Variants in SEC14L1 observed in about 807,000 individuals in gnomAD.
SEC14L1 encodes SEC14-like protein 1.
Under a neutral mutation model 85.3 loss-of-function variants are expected in SEC14L1, and 48 were observed. That is an observed-to-expected ratio of 0.56 (90% CI 0.45 to 0.72). The LOEUF (loss-of-function observed/expected upper bound fraction) is 0.72. Among genes scored for constraint, SEC14L1 ranks in the 30% least tolerant of loss-of-function variants. SEC14L1 has a pLI of 0.00. For missense variants in SEC14L1, 682 were observed against 921.4 expected (o/e 0.74, Z 3.36); for synonymous variants, 391 against 355.5 (o/e 1.10, Z -1.12).
At chr17:77,193,916 G>A (rs1410759815) in intron 6 of SEC14L1, among the ~76,000 whole-genome samples, 1 of 152,216 alleles carries the variant, frequency 6.6e-6, no homozygotes, top group African/African-American at 2.4e-5. Flanking sequence ...TGGATTGTCA[G>A]TTCTTCCACA....
chr17:77,173,283 G>C (rs144929051), intron 3 of SEC14L1, among the ~76,000 whole-genome samples: 31 of 151,894 alleles, frequency 2.0e-4, no homozygotes, highest in African/African-American at 6.0e-4. Flanking sequence ...GTTCTGTCTC[G>C]CACCGAAGTC....
chr17:77,203,931 G>C (rs1432172638), intron 10 of SEC14L1, among the ~76,000 whole-genome samples: 3 of 151,962 alleles, frequency 2.0e-5, no homozygotes, highest in Non-Finnish European at 4.4e-5. Context: ...CTCCCATGTG[G>C]AATTGCCCTC....
intron 3 of SEC14L1, among the ~76,000 whole-genome samples, chr17:77,171,370 C>T (rs980789924): frequency 6.6e-6 from 1 of 152,046 alleles, no homozygotes. Context: ...TGGGAAAAGA[C>T]GGGGACTGTG....
At chr17:77,130,725 G>A (rs1172280092) in intron 3 of SEC14L1, among the ~76,000 whole-genome samples, 1 of 152,120 alleles carries the variant, frequency 6.6e-6, no homozygotes, top group Non-Finnish European at 1.5e-5. Context: ...GGTCAAGTGA[G>A]CCTCCCAAGC....
At chr17:77,120,603 A>G (rs1159590527) in intron 3 of SEC14L1, among the ~76,000 whole-genome samples, 3 of 152,004 alleles carry the variant, frequency 2.0e-5, no homozygotes, top group Non-Finnish European at 2.9e-5. Context: ...CAGCCTCCCA[A>G]GTAGCTGGGA....
chr17:77,122,037 G>C (rs964065279), intron 3 of SEC14L1, among the ~76,000 whole-genome samples: 1 of 152,158 alleles, frequency 6.6e-6, no homozygotes, highest in African/African-American at 2.4e-5. Context: ...TTGATATACT[G>C]GGGCAAACAT....
intron 2 of SEC14L1, among the ~76,000 whole-genome samples, chr17:77,092,697 C>T (rs531377179): frequency 5.3e-5 from 8 of 151,818 alleles, no homozygotes; most frequent in Admixed American, 1.3e-4. Context: ...ACCTGTAATC[C>T]CAGCACTTTG....
intron 3 of SEC14L1, among the ~76,000 whole-genome samples, chr17:77,187,532 C>T (rs919680633): frequency 6.6e-6 from 1 of 152,024 alleles, no homozygotes; most frequent in Admixed American, 6.6e-5. Context: ...TGTATGCCAC[C>T]GTGCCCAGCT....
At chr17:77,130,891 A>G (rs1972592577) in intron 3 of SEC14L1, among the ~76,000 whole-genome samples, 2 of 152,096 alleles carry the variant, frequency 1.3e-5, no homozygotes, top group Non-Finnish European at 2.9e-5. Context: ...CAGACTGCCT[A>G]GCCTGAGATG....
Position 77,214,577 on chromosome 17 carries a change from G to GA in SEC14L1, c.*555dup. 1.0e-6 allele frequency: 1 copy of GA among 988,962 alleles called. No homozygotes were observed. The highest frequency in any genetic ancestry group is 1.2e-6 in the Non-Finnish European group (1 of 832,112). 61.3% of individuals were successfully genotyped at this position (988,962 alleles called of 1,614,324 possible). A position where few individuals can be genotyped will look rare whatever the true frequency, so the allele number is the denominator to read the frequency against. On this transcript the variant is annotated 3_prime_UTR_variant, in exon 17 of 17. Coordinates refer to ENST00000436233, the MANE Select transcript of SEC14L1 (RefSeq NM_001143998.2). ...TCTGAGGATTCAGAGGTTGCCTGCG[G>GA]AGTACCTTGTCCCAGGGCCAGACAC...
chr17:77,178,922 G>T (rs535884941), intron 3 of SEC14L1, among the ~76,000 whole-genome samples: 1 of 152,198 alleles, frequency 6.6e-6, no homozygotes, highest in African/African-American at 2.4e-5. Flanking sequence ...ACAGATGGTC[G>T]CTGGATGTAG....
intron 3 of SEC14L1, among the ~76,000 whole-genome samples, chr17:77,166,926 G>C (rs1394459436): frequency 6.6e-6 from 1 of 152,194 alleles, no homozygotes; most frequent in Non-Finnish European, 1.5e-5. Context: ...TAGGGTGCAT[G>C]CGTACTAGGC....
At chr17:77,146,822 CTG>C (rs1226281265) in intron 3 of SEC14L1, among the ~76,000 whole-genome samples, 1 of 152,112 alleles carries the variant, frequency 6.6e-6, no homozygotes, top group African/African-American at 2.4e-5. Context: ...CAAAAGTAGA[CTG>C]TGAGTGATGT....
chr17:77,158,798 CTTTTTTTTTTTT>C (rs34186028), intron 3 of SEC14L1, among the ~76,000 whole-genome samples: 163 of 39,230 alleles, frequency 4.2e-3, no homozygotes, highest in African/African-American at 7.2e-3. Context: ...GCTTTCTTTC[CTTTTTTTTTTTT>C]TTTTTTTTTT....
In SEC14L1 at chr17:77,143,762, C is replaced by T. The variant is rs1973157807; in HGVS notation, c.63+103C>T. On this transcript the variant is annotated intron_variant, in intron 3 of 16. Transcript: ENST00000436233. Reference sequence around the variant, plus strand: ...TTTATTGTTCGTCTCCATGGCATCACTTGAACTTACTCTGTTTTTATGCTT... The same window carrying T: ...TTTATTGTTCGTCTCCATGGCATCATTTGAACTTACTCTGTTTTTATGCTT... 7.6e-6 allele frequency: 6 copies of T among 792,340 alleles called. No homozygotes were observed. In the East Asian group the frequency reaches 1.6e-4, roughly 21 times the overall value. The allele number at this position is 792,340 out of a possible 1,614,324, so 49.1% of individuals were successfully genotyped here. A position where few individuals can be genotyped will look rare whatever the true frequency, so the allele number is the denominator to read the frequency against.
chr17:77,110,877 CAAA>C (rs1212651345), intron 3 of SEC14L1, among the ~76,000 whole-genome samples: 4 of 46,648 alleles, frequency 8.6e-5, no homozygotes, highest in Non-Finnish European at 7.7e-5. Context: ...GACTCTGTCT[CAAA>C]AAAAAAAAAA....
chr17:77,188,344 G>C (rs1323424812), intron 3 of SEC14L1, among the ~76,000 whole-genome samples: 3 of 151,120 alleles, frequency 2.0e-5, no homozygotes, highest in Admixed American at 6.6e-5. Flanking sequence ...TTCTGTTTTC[G>C]GTTTCTCTAG....
intron 3 of SEC14L1, among the ~76,000 whole-genome samples, chr17:77,102,650 C>T (rs1971805292): frequency 6.6e-6 from 1 of 152,002 alleles, no homozygotes; most frequent in Admixed American, 6.6e-5. Context: ...ATTACAGGCA[C>T]ATGCCACCAC....
chr17:77,173,947 CAGGAG>C (rs1167997827), intron 3 of SEC14L1, among the ~76,000 whole-genome samples: 2 of 151,792 alleles, frequency 1.3e-5, no homozygotes, highest in Admixed American at 1.3e-4. Context: ...GTTGCCCAGG[CAGGAG>C]TGCAATGGCA....
Sources: gnomAD v4.1 joint callset for allele counts (sites outside exome capture counted in the v4.1 genomes callset) on GRCh38, gnomAD v4.1.1 for gene constraint, MANE v1.5 for transcripts, NCBI Gene and HGNC (gene_info 2026-07-23, HGNC 2026-07-21) for gene names.